Variants in PTPRQ observed in about 807,000 individuals in gnomAD.
The protein encoded by PTPRQ is phosphatidylinositol phosphatase PTPRQ.
PTPRQ carries 199 observed loss-of-function variants against 246.0 expected under a neutral mutation model. The ratio of observed to expected loss-of-function variants is 0.81; its 90% CI spans 0.72 to 0.91. The LOEUF (loss-of-function observed/expected upper bound fraction) is 0.91, where lower values mean the gene tolerates loss of function less well. Ranked by LOEUF, PTPRQ falls within the 40% of genes least tolerant of loss-of-function variation. The pLI is 0.00. For missense variants in PTPRQ, 2,624 were observed against 2,528.4 expected (o/e 1.04, Z -0.81); for synonymous variants, 869 against 853.2 (o/e 1.02, Z -0.32).
chr12:80,469,531 T>C lies in PTPRQ; in HGVS notation c.1039+693T>C, dbSNP rs901156894. Among the ~76,000 whole-genome samples the C allele has an allele frequency of 2.0e-5, 3 of 152,178 alleles. 1 individual carries two copies. Among genetic ancestry groups the C allele is most frequent in the Non-Finnish European group, 4.4e-5 (3 of 68,022 alleles). Reference sequence around the variant, plus strand: ...TGATTCTATGAAAGAAGTTTAATTCTAACAATGATGAGATAAATAATAAAG... The same window carrying C: ...TGATTCTATGAAAGAAGTTTAATTCCAACAATGATGAGATAAATAATAAAG... On this transcript the variant is annotated intron_variant, in intron 7 of 44. Transcript: ENST00000644991.
rs141493216 is a variant in PTPRQ at position 80,645,284 on chromosome 12, C to A, written c.5916-3613C>A. ...TATAACGTTAGGTTATCTGCTATGG[C>A]TTTTGCTTAGACTCACATGCTTTTT... On this transcript the variant is annotated intron_variant, in intron 35 of 44. Coordinates refer to ENST00000644991, the MANE Select transcript of PTPRQ (RefSeq NM_001145026.2). Among the ~76,000 whole-genome samples, 512 of 152,024 alleles carry A rather than the reference C, an allele frequency of 3.4e-3. 4 individuals carry two copies. Among genetic ancestry groups the A allele is most frequent in the African/African-American group, 0.012 (503 of 41,520 alleles).
At chr12:80,545,778 A>G (rs1487303106) in intron 23 of PTPRQ, among the ~76,000 whole-genome samples, 1 of 147,528 alleles carries the variant, frequency 6.8e-6, no homozygotes, top group Non-Finnish European at 1.5e-5. Context: ...ATTATTATAT[A>G]TAATAATGTT....
At chr12:80,653,149 A>G (rs1900310479) in intron 38 of PTPRQ, among the ~76,000 whole-genome samples, 2 of 152,166 alleles carry the variant, frequency 1.3e-5, no homozygotes, top group South Asian at 2.1e-4. Context: ...CCTAGCATCA[A>G]ATGCAAAGGG....
intron 14 of PTPRQ, among the ~76,000 whole-genome samples, 183 bp from the exon 15 acceptor site, chr12:80,505,841 T>C (rs1327492975): frequency 6.6e-6 from 1 of 151,894 alleles, no homozygotes; most frequent in Non-Finnish European, 1.5e-5. Flanking sequence ...GAATGAAAAT[T>C]TTTCTTATAC....
chr12:80,669,261 T>G, intron 40 of PTPRQ, 78 bp from the exon 41 acceptor site: 6 of 1,529,256 alleles, frequency 3.9e-6, no homozygotes, highest in Admixed American at 4.4e-5. Flanking sequence ...TAATTTTAAC[T>G]TAGTCGTAAT....
Position 80,620,476 on chromosome 12 carries a change from G to T in PTPRQ, c.5612+100G>T, listed in dbSNP as rs902187288. 1.3e-5 allele frequency: 20 copies of T among 1,486,284 alleles called. 1 individual carries two copies. In the African/African-American group the frequency reaches 2.0e-4, roughly 15 times the overall value. 92.1% of individuals were successfully genotyped at this position (1,486,284 alleles called of 1,614,324 possible). On this transcript the variant is annotated intron_variant, in intron 32 of 44. Coordinates refer to ENST00000644991, the MANE Select transcript of PTPRQ (RefSeq NM_001145026.2). The stretch of plus-strand genomic sequence containing the variant: ...CCTTTCATCTTTCCAATAAGCACTG[G>T]ATGTCCGCCACGTATAGTGACCTGA...
chr12:80,616,475 CTTTA>C (rs1274488791), intron 30 of PTPRQ, among the ~76,000 whole-genome samples: 1 of 150,628 alleles, frequency 6.6e-6, no homozygotes, highest in Non-Finnish European at 1.5e-5. Flanking sequence ...AGGAGAATGT[CTTTA>C]TTTTATATTT....
At chr12:80,447,236 A>G (rs1237940334) in intron 3 of PTPRQ, among the ~76,000 whole-genome samples, 1 of 151,640 alleles carries the variant, frequency 6.6e-6, no homozygotes, top group Non-Finnish European at 1.5e-5. Flanking sequence ...TTTTTTGTCC[A>G]CTTTTTAATG....
At chr12:80,634,874 A>C in intron 34 of PTPRQ, 71 bp from the exon 35 acceptor site, 1 of 1,511,138 alleles carries the variant, frequency 6.6e-7, no homozygotes, top group Non-Finnish European at 8.9e-7. Context: ...TTTACTTAAA[A>C]AGAAAACTAA....
intron 35 of PTPRQ, among the ~76,000 whole-genome samples, chr12:80,642,931 A>AAAAACAAC (rs1899929852): frequency 8.7e-6 from 1 of 114,994 alleles, no homozygotes; most frequent in Non-Finnish European, 1.6e-5. Context: ...AAAAAAAAAA[A>AAAAACAAC]AAAAAAAAAA....
chr12:80,484,400 C>T, intron 8 of PTPRQ, 33 bp from the exon 9 acceptor site: 1 of 1,402,330 alleles, frequency 7.1e-7, no homozygotes. Flanking sequence ...TTTAATTTCC[C>T]CCTTTTCTTT....
chr12:80,454,692 A>C, intron 3 of PTPRQ: 1 of 559,144 alleles, frequency 1.8e-6, no homozygotes, highest in East Asian at 2.9e-5. Flanking sequence ...ATTGGATTTT[A>C]TTAAATGCTT....
At chr12:80,542,417 C>A in intron 22 of PTPRQ, 53 bp downstream of exon 22, 1 of 1,504,210 alleles carries the variant, frequency 6.6e-7, no homozygotes, top group South Asian at 1.3e-5. Context: ...AGCGCCTGCT[C>A]TCTCTTTTTA....
intron 12 of PTPRQ, among the ~76,000 whole-genome samples, chr12:80,495,692 G>A (rs1469251654): frequency 1.3e-5 from 2 of 152,008 alleles, no homozygotes; most frequent in Non-Finnish European, 2.9e-5. Context: ...ATGTACGAAT[G>A]CAAAAATCAG....
chr12:80,477,376 T>A lies in PTPRQ; in HGVS notation c.1186+5125T>A, dbSNP rs1054412386. On this transcript the variant is annotated intron_variant, in intron 8 of 44. Transcript: ENST00000644991. ...TTTATGAAACCATCAAGATTTCAAC[T>A]GGCATTAATTATCACCAAATAGGCA... Among the ~76,000 whole-genome samples, 3 of 152,212 alleles carry A rather than the reference T, an allele frequency of 2.0e-5. No homozygotes were observed. The East Asian group carries it at 5.8e-4, about 29-fold the overall frequency.
At chr12:80,623,592 A>G (rs1216817992) in intron 33 of PTPRQ, among the ~76,000 whole-genome samples, 2 of 152,160 alleles carry the variant, frequency 1.3e-5, no homozygotes, top group Admixed American at 1.3e-4. Flanking sequence ...TCAGCTAAGT[A>G]GTGATCCTGG....
intron 35 of PTPRQ, among the ~76,000 whole-genome samples, chr12:80,642,935 A>ACAACAAC (rs1565836988): frequency 6.9e-5 from 10 of 145,642 alleles, no homozygotes; most frequent in African/African-American, 1.9e-4. Context: ...AAAAAAAAAA[A>ACAACAAC]AAAAAAAAAA....
intron 25 of PTPRQ, among the ~76,000 whole-genome samples, chr12:80,558,596 GC>G (rs1330506653): frequency 6.6e-6 from 1 of 151,432 alleles, no homozygotes; most frequent in Non-Finnish European, 1.5e-5. Flanking sequence ...AAACACACGT[GC>G]ACAATTTTTG....
Position 80,496,094 on chromosome 12 carries a change from A to C in PTPRQ, c.1978A>C (p.Thr660Pro). ...LSEENDIFVR[T>P]SEDEPESSPQ... ...TGAAGAAAATGACATCTTTGTGAGAACTTCAGAAGATGGTAAGAATATCAA... is the reference window on the plus strand; with the variant it reads ...TGAAGAAAATGACATCTTTGTGAGACCTTCAGAAGATGGTAAGAATATCAA... The change falls in exon 13 of 45, where the codon ACT (threonine) becomes CCT (proline). Residue 660 changes from threonine to proline, a missense_variant. Coordinates refer to ENST00000644991, the MANE Select transcript of PTPRQ (RefSeq NM_001145026.2). 1 of 1,547,370 alleles carries C rather than the reference A, an allele frequency of 6.5e-7. No homozygotes were observed. The highest frequency in any genetic ancestry group is 8.7e-7 in the Non-Finnish European group (1 of 1,145,620).
Sources: allele counts gnomAD v4.1 joint callset (sites outside exome capture counted in the v4.1 genomes callset), GRCh38; gene constraint gnomAD v4.1.1; transcripts MANE v1.5; gene names NCBI Gene and HGNC (gene_info 2026-07-23, HGNC 2026-07-21).